Variants in C7orf57 observed in about 807,000 individuals in gnomAD.
C7orf57 encodes the protein uncharacterized protein C7orf57.
C7orf57 carries 33 observed loss-of-function variants against 39.0 expected under a neutral mutation model. The ratio of observed to expected loss-of-function variants is 0.85; its 90% confidence interval spans 0.64 to 1.13. The LOEUF (loss-of-function observed/expected upper bound fraction) is 1.13. Among genes scored for constraint, C7orf57 ranks in the 50% most tolerant of loss-of-function variants. C7orf57 has a pLI of 0.00. For missense variants in C7orf57, 346 were observed against 362.3 expected (o/e 0.95, Z 0.37); for synonymous variants, 124 against 137.1 (o/e 0.90, Z 0.67).
chr7:48,053,212 T>A (rs1791013379), intron 7 of C7orf57: 1 of 460,298 alleles, frequency 2.2e-6, no homozygotes, highest in South Asian at 2.0e-5. Flanking sequence ...ACAAATAATA[T>A]ACCAAATAGT....
At chr7:48,038,450 T>C (rs1790453157) in intron 2 of C7orf57, among the ~76,000 whole-genome samples, 1 of 152,132 alleles carries the variant, frequency 6.6e-6, no homozygotes, top group Admixed American at 6.5e-5. Flanking sequence ...TTTAAGGAAT[T>C]GGCTCACGTA....
intron 5 of C7orf57, among the ~76,000 whole-genome samples, chr7:48,047,617 C>T (rs374393579): frequency 2.0e-5 from 3 of 152,152 alleles, no homozygotes; most frequent in African/African-American, 4.8e-5. Context: ...TCTCCATGTC[C>T]GGCTGTGATT....
intron 7 of C7orf57, 81 bp downstream of exon 7, chr7:48,053,004 C>A: frequency 7.1e-6 from 8 of 1,119,312 alleles, no homozygotes; most frequent in South Asian, 1.3e-5. Context: ...TCACATGATG[C>A]GTCTCGTAAT....
At chr7:48,036,402 G>C (rs1790364341) in intron 2 of C7orf57, 39 bp downstream of exon 2, 2 of 1,529,660 alleles carry the variant, frequency 1.3e-6, no homozygotes, top group Non-Finnish European at 1.8e-6. Flanking sequence ...AGAAAGAGCT[G>C]GGTGCGTGCA....
intron 3 of C7orf57, among the ~76,000 whole-genome samples, chr7:48,042,891 C>G (rs1189597495): frequency 6.6e-6 from 1 of 152,084 alleles, no homozygotes; most frequent in Non-Finnish European, 1.5e-5. Flanking sequence ...TGGCCTGGGC[C>G]TCTGAGAAGG....
chr7:48,041,614 G>A (rs919516243), intron 3 of C7orf57, 95 bp downstream of exon 3: 19 of 1,048,740 alleles, frequency 1.8e-5, no homozygotes, highest in Non-Finnish European at 2.6e-5. Context: ...TATTACTACA[G>A]AGTCTGTATG....
In C7orf57 at chr7:48,059,712, T is replaced by C. The variant is rs557725584; in HGVS notation, c.842-514T>C. ...ACACAAGATTATTATTATTTCTTTATTGCAATTTTTTTCAGCTGTCCTAGA... is the reference window on the plus strand; with the variant it reads ...ACACAAGATTATTATTATTTCTTTACTGCAATTTTTTTCAGCTGTCCTAGA... On this transcript the variant is annotated intron_variant, in intron 8 of 8. Coordinates refer to ENST00000348904, the MANE Select transcript of C7orf57 (RefSeq NM_001100159.3). Among the ~76,000 whole-genome samples the C allele has an allele frequency of 2.1e-4, 32 of 152,320 alleles. 1 individual carries two copies. The South Asian group carries it at 6.2e-3, about 30-fold the overall frequency.
At chr7:48,039,658 C>T (rs746688815) in intron 2 of C7orf57, among the ~76,000 whole-genome samples, 1 of 152,126 alleles carries the variant, frequency 6.6e-6, no homozygotes, top group African/African-American at 2.4e-5. Context: ...TAATGCTTTA[C>T]CAATATCTGA....
At chr7:48,057,931 A>G (rs1791163562) in intron 8 of C7orf57, among the ~76,000 whole-genome samples, 1 of 152,146 alleles carries the variant, frequency 6.6e-6, no homozygotes, top group Admixed American at 6.5e-5. Context: ...CTATTAATGT[A>G]GTATATCACA....
At chr7:48,055,898 G>A (rs1791103111) in intron 8 of C7orf57, among the ~76,000 whole-genome samples, 1 of 152,000 alleles carries the variant, frequency 6.6e-6, no homozygotes, top group Non-Finnish European at 1.5e-5. Flanking sequence ...CCATAGCTTG[G>A]CTATTGTGAA....
intron 8 of C7orf57, among the ~76,000 whole-genome samples, chr7:48,057,812 G>T (rs1417024166): frequency 6.6e-6 from 1 of 151,836 alleles, no homozygotes. Context: ...TTTGTTGAGA[G>T]TTTTTTTTAT....
intron 8 of C7orf57, among the ~76,000 whole-genome samples, 161 bp from the exon 9 acceptor site, chr7:48,060,065 T>A (rs867448568): frequency 1.3e-5 from 2 of 152,244 alleles, no homozygotes; most frequent in African/African-American, 4.8e-5. Flanking sequence ...TTCCAATGTA[T>A]TATTTATGCC....
intron 4 of C7orf57, among the ~76,000 whole-genome samples, chr7:48,044,983 C>T (rs1003827230): frequency 6.6e-6 from 1 of 152,220 alleles, no homozygotes; most frequent in African/African-American, 2.4e-5. Context: ...GCCACATGGA[C>T]TTTTTCTTCC....
Position 48,060,538 on chromosome 7 carries a change from C to T in C7orf57, c.*266C>T, listed in dbSNP as rs1198748476. On this transcript the variant is annotated 3_prime_UTR_variant, in exon 9 of 9. Transcript: ENST00000348904. ...TCTGCCCTGCTGGCCTGGTGATGTC[C>T]CAGTGTCTCAGAACTGATCACTTGC... The T allele has an allele frequency of 9.8e-6, 3 of 304,808 alleles. No homozygotes were observed. The highest frequency in any genetic ancestry group is 1.9e-5 in the Non-Finnish European group (3 of 160,048). The allele number at this position is 304,808 out of a possible 1,614,324, so 18.9% of individuals were successfully genotyped here.
rs1790722451 is a variant in C7orf57 at position 48,046,582 on chromosome 7, G to C, written c.473G>C (p.Arg158Thr). The change falls in exon 5 of 9, where the codon AGA becomes ACA. Residue 158 changes from arginine (R) to threonine (T), a missense_variant. By Grantham distance (71) the Arg-to-Thr change is moderately conservative (BLOSUM62 -1). Coordinates refer to ENST00000348904, the MANE Select transcript of C7orf57 (RefSeq NM_001100159.3). ...FDFDMKTVWQREAEELEKEKK... is the reference protein window; with the variant it reads ...FDFDMKTVWQTEAEELEKEKK... ...TTCGACATGAAAACAGTTTGGCAAA[G>C]AGAGGCTGAGGAACTTGAAAAGGAG... is the stretch of plus-strand genomic sequence containing the variant. 1.9e-6 allele frequency: 3 copies of C among 1,613,762 alleles called. No individual in the cohort carries two copies. The highest frequency in any genetic ancestry group is 2.2e-5 in the East Asian group (1 of 44,874).
chr7:48,051,305 C>A (rs1484156650), intron 6 of C7orf57, among the ~76,000 whole-genome samples: 1 of 150,522 alleles, frequency 6.6e-6, no homozygotes, highest in African/African-American at 2.5e-5. Context: ...CCTCAGCCTC[C>A]CAAGTAGCGG....
intron 2 of C7orf57, among the ~76,000 whole-genome samples, chr7:48,038,539 T>A (rs946837383): frequency 6.6e-6 from 1 of 152,216 alleles, no homozygotes; most frequent in African/African-American, 2.4e-5. Flanking sequence ...ATGTTGCAGT[T>A]TGAGTTTCAG....
chr7:48,036,173 G>T, intron 1 of C7orf57, 35 bp from the exon 2 acceptor site: 2 of 878,556 alleles, frequency 2.3e-6, no homozygotes, highest in South Asian at 2.9e-5. Flanking sequence ...CGTACAGACC[G>T]ACCCAGAGCG....
chr7:48,054,622 G>C lies in C7orf57; in HGVS notation c.841+16G>C. On this transcript the variant is annotated intron_variant, in intron 8 of 8. Coordinates refer to ENST00000348904, the MANE Select transcript of C7orf57 (RefSeq NM_001100159.3). ...TCTTCTCAAAGTGAGTACTTATAAA[G>C]TAACCAGCACCAAAACACAAAAAGT... 5 of 1,548,148 alleles carry C rather than the reference G, an allele frequency of 3.2e-6. No homozygotes were observed. The highest frequency in any genetic ancestry group is 4.4e-6 in the Non-Finnish European group (5 of 1,144,018).
Sources: gnomAD v4.1 joint callset for allele counts (sites outside exome capture counted in the v4.1 genomes callset) on GRCh38, gnomAD v4.1.1 for gene constraint, MANE v1.5 for transcripts, NCBI Gene and HGNC (gene_info 2026-07-23, HGNC 2026-07-21) for gene names.